Variants in KNTC1 observed in about 807,000 individuals in gnomAD.
The protein encoded by KNTC1 is kinetochore associated 1.
In KNTC1, 253 loss-of-function variants were observed where a neutral mutation model predicts 314.4. The observed-to-expected ratio is 0.80, with a 90% confidence interval of 0.73 to 0.89. The LOEUF (loss-of-function observed/expected upper bound fraction) is 0.89. Ranked by LOEUF, KNTC1 falls within the 40% of genes least tolerant of loss-of-function variation. The pLI is 0.00. For synonymous variants in KNTC1, 901 were observed against 901.4 expected (o/e 1.00, Z 0.01); for missense variants, 2,475 against 2,572.9 (o/e 0.96, Z 0.82).
chr12:122,547,641 A>G (rs1193298476), intron 11 of KNTC1, 111 bp downstream of exon 11: 1 of 747,356 alleles, frequency 1.3e-6, no homozygotes, highest in Non-Finnish European at 2.2e-6. Flanking sequence ...ACACTGTGAA[A>G]CAGTCTGACA....
intron 52 of KNTC1, among the ~76,000 whole-genome samples, chr12:122,609,858 G>T (rs1490137868): frequency 6.6e-6 from 1 of 152,162 alleles, no homozygotes; most frequent in Non-Finnish European, 1.5e-5. Context: ...TGCTAGATCT[G>T]ATTGGTTATG....
At chr12:122,554,674 C>A (rs1027892871) in intron 16 of KNTC1, among the ~76,000 whole-genome samples, 3 of 151,972 alleles carry the variant, frequency 2.0e-5, no homozygotes, top group South Asian at 2.1e-4. Flanking sequence ...GCAAAAAAAT[C>A]AAACCAAAAC....
intron 7 of KNTC1, 58 bp from the exon 8 acceptor site, chr12:122,544,101 A>AT: frequency 4.1e-6 from 3 of 726,970 alleles, no homozygotes; most frequent in Non-Finnish European, 6.7e-6. Flanking sequence ...GATTTTAGTG[A>AT]TTTTATGGAG....
chr12:122,596,532 T>A (rs11829567), intron 43 of KNTC1, among the ~76,000 whole-genome samples: 3,494 of 141,128 alleles, frequency 0.025, 121 homozygotes, highest in African/African-American at 0.082. Flanking sequence ...TTTTTATCTT[T>A]AAAAAAAAAA....
In KNTC1 at chr12:122,603,093, C is replaced by T; in HGVS notation, c.4951C>T (p.Leu1651Phe). 1 of 1,613,792 alleles carries T rather than the reference C, an allele frequency of 6.2e-7. No homozygotes were observed. Among genetic ancestry groups the T allele is most frequent in the Non-Finnish European group, 8.5e-7 (1 of 1,179,854 alleles). Residue 1651 changes from leucine (L) to phenylalanine (F), a missense_variant, in exon 48 of 64, where the codon CTC becomes TTC. Physicochemically the swap from Leu to Phe is conservative, Grantham distance 22 (BLOSUM62 0). Transcript: ENST00000333479. Reference sequence around the variant, plus strand: ...TTTCGAAAAAAAACTGAAGCCAAAGCTCCTGAAGTTAACACAAGCTAAATC... The same window carrying T: ...TTTCGAAAAAAAACTGAAGCCAAAGTTCCTGAAGTTAACACAAGCTAAATC... ...HVFEKKLKPKLLKLTQAKSST... is the reference protein window; with the variant it reads ...HVFEKKLKPKFLKLTQAKSST...
chr12:122,549,491 C>G (rs1963039071), intron 12 of KNTC1, among the ~76,000 whole-genome samples: 1 of 151,978 alleles, frequency 6.6e-6, no homozygotes, highest in Non-Finnish European at 1.5e-5. Flanking sequence ...CTGTGATTAT[C>G]CCAGTAGCTG....
intron 20 of KNTC1, among the ~76,000 whole-genome samples, chr12:122,566,121 T>C (rs893851103): frequency 1.3e-5 from 2 of 151,778 alleles, no homozygotes; most frequent in African/African-American, 4.8e-5. Flanking sequence ...TTTTGTACTT[T>C]TAGTAGAGAT....
At chr12:122,557,134 T>C (rs987999339) in intron 16 of KNTC1, among the ~76,000 whole-genome samples, 5 of 152,172 alleles carry the variant, frequency 3.3e-5, no homozygotes, top group Non-Finnish European at 5.9e-5. Context: ...TCTTAGCTCA[T>C]ATAAAGCTCT....
In KNTC1 at chr12:122,626,388, C is replaced by A; in HGVS notation, c.*160C>A. 1 of 582,980 alleles carries A rather than the reference C, an allele frequency of 1.7e-6. No individual in the cohort carries two copies. 36.1% of individuals were successfully genotyped at this position (582,980 alleles called of 1,614,324 possible). A position where few individuals can be genotyped will look rare whatever the true frequency, so the allele number is the denominator to read the frequency against. On this transcript the variant is annotated 3_prime_UTR_variant, in exon 64 of 64. Transcript: ENST00000333479. ...TAAAACAATATGAGCATAATTGCCCCATAAAGAACTCATGTCCTGAATTAA... is the reference window on the plus strand; with the variant it reads ...TAAAACAATATGAGCATAATTGCCCAATAAAGAACTCATGTCCTGAATTAA...
intron 20 of KNTC1, among the ~76,000 whole-genome samples, chr12:122,566,334 G>A (rs1257504040): frequency 1.3e-5 from 2 of 150,966 alleles, no homozygotes; most frequent in African/African-American, 2.4e-5. Flanking sequence ...GCTCACTGCA[G>A]CCTCTGCCTC....
chr12:122,598,462 C>T (rs1188466765), intron 44 of KNTC1, among the ~76,000 whole-genome samples: 1 of 129,254 alleles, frequency 7.7e-6, no homozygotes, highest in Non-Finnish European at 1.6e-5. Flanking sequence ...GCTCTGTTGC[C>T]CAGGCTGGAG....
intron 42 of KNTC1, among the ~76,000 whole-genome samples, chr12:122,592,643 A>G (rs1196731844): frequency 6.6e-6 from 1 of 152,058 alleles, no homozygotes; most frequent in East Asian, 1.9e-4. Context: ...TGTGTGTCAA[A>G]ACTCTGTATC....
At chr12:122,579,120 A>G (rs1965226715) in intron 31 of KNTC1, among the ~76,000 whole-genome samples, 1 of 120,200 alleles carries the variant, frequency 8.3e-6, no homozygotes, top group Non-Finnish European at 1.6e-5. Context: ...GCTGGAGTGC[A>G]GTGGCGGGAT....
intron 5 of KNTC1, among the ~76,000 whole-genome samples, chr12:122,541,679 G>A (rs1024161993): frequency 6.6e-6 from 1 of 151,616 alleles, no homozygotes; most frequent in Non-Finnish European, 1.5e-5. Flanking sequence ...CAAAAGCCAC[G>A]TTCAAACAGA....
intron 48 of KNTC1, among the ~76,000 whole-genome samples, chr12:122,603,532 C>T (rs1872221296): frequency 6.6e-6 from 1 of 151,488 alleles, no homozygotes; most frequent in Non-Finnish European, 1.5e-5. Context: ...CTTGCTCTGT[C>T]GCCAGGCTGG....
intron 55 of KNTC1, 30 bp from the exon 56 acceptor site, chr12:122,614,961 A>G (rs1873606638): frequency 6.6e-7 from 1 of 1,518,458 alleles, no homozygotes; most frequent in African/African-American, 1.4e-5. Context: ...GTCTTGGAAT[A>G]GCATGATTTT....
chr12:122,610,150 A>C (rs1012818060), intron 52 of KNTC1, among the ~76,000 whole-genome samples: 1 of 152,136 alleles, frequency 6.6e-6, no homozygotes, highest in Admixed American at 6.5e-5. Context: ...CACCCATACC[A>C]TGCCCTCTTT....
At chr12:122,599,576 C>T (rs900041745) in intron 44 of KNTC1, among the ~76,000 whole-genome samples, 1 of 152,016 alleles carries the variant, frequency 6.6e-6, no homozygotes, top group South Asian at 2.1e-4. Context: ...GTCATGAACT[C>T]CTGACCTCAG....
At chr12:122,611,670 A>C (rs1469257123) in intron 53 of KNTC1, 2 of 152,248 alleles carry the variant, frequency 1.3e-5, no homozygotes, top group Non-Finnish European at 2.9e-5. Context: ...TATGATATAC[A>C]GTAATCTTTC....
Sources: allele counts gnomAD v4.1 joint callset (sites outside exome capture counted in the v4.1 genomes callset), GRCh38; gene constraint gnomAD v4.1.1; transcripts MANE v1.5; gene names NCBI Gene and HGNC (gene_info 2026-07-23, HGNC 2026-07-21).